Variants in IRF8 observed in about 807,000 individuals in gnomAD.
IRF8 encodes the protein interferon regulatory factor 8, also known as interferon consensus sequence binding protein 1.
Under a neutral mutation model 48.7 loss-of-function variants are expected in IRF8, and 14 were observed. The ratio of observed to expected loss-of-function variants is 0.29; its 90% CI spans 0.19 to 0.45. The LOEUF (loss-of-function observed/expected upper bound fraction) is 0.45. Among genes scored for constraint, IRF8 ranks in the 20% least tolerant of loss-of-function variants. IRF8 has a pLI of 1.00. For synonymous variants in IRF8, 278 were observed against 227.3 expected (o/e 1.22, Z -2.01); for missense variants, 493 against 580.7 (o/e 0.85, Z 1.55).
At chr16:85,908,529 T>C (rs1186929192) in intron 2 of IRF8, among the ~76,000 whole-genome samples, 6 of 152,250 alleles carry the variant, frequency 3.9e-5, no homozygotes, top group African/African-American at 1.4e-4. Context: ...GATGACCATT[T>C]TGACTTTTTG....
Position 85,921,441 on chromosome 16 carries a change from T to C in IRF8, c.*159T>C. On this transcript the variant is annotated 3_prime_UTR_variant, in exon 9 of 9. Coordinates refer to ENST00000268638, the MANE Select transcript of IRF8 (RefSeq NM_002163.4). ...GGGCATTCTCGGAGGAGTAGACGTT[T>C]AATACGAAGTGGCGGCATAGCCCTG... 1 of 786,278 alleles carries C rather than the reference T, an allele frequency of 1.3e-6. No homozygotes were observed. The highest frequency in any genetic ancestry group is 2.1e-6 in the Non-Finnish European group (1 of 468,954). The allele number at this position is 786,278 out of a possible 1,614,324, so 48.7% of individuals were successfully genotyped here.
chr16:85,906,608 A>G (rs2152100009), intron 2 of IRF8, among the ~76,000 whole-genome samples: 2 of 152,316 alleles, frequency 1.3e-5, no homozygotes, highest in Middle Eastern at 3.4e-3. Context: ...CTTGGCGTGA[A>G]CGAGTGAGTA....
chr16:85,899,774 G>A (rs1904767876), intron 1 of IRF8, among the ~76,000 whole-genome samples: 1 of 152,326 alleles, frequency 6.6e-6, no homozygotes, highest in Middle Eastern at 3.4e-3. Context: ...TGGCAAGAGA[G>A]TCTGTATATG....
At chr16:85,899,459 C>A (rs1337810869) in intron 1 of IRF8, among the ~76,000 whole-genome samples, 1 of 152,184 alleles carries the variant, frequency 6.6e-6, no homozygotes, top group African/African-American at 2.4e-5. Flanking sequence ...TAGATAGATG[C>A]CTTTTTAAAA....
At chr16:85,904,438 C>T (rs1904926433) in intron 2 of IRF8, among the ~76,000 whole-genome samples, 1 of 152,180 alleles carries the variant, frequency 6.6e-6, no homozygotes, top group Non-Finnish European at 1.5e-5. Context: ...GACAAAAGAT[C>T]ACACCTTAAC....
At chr16:85,913,844 T>G in intron 5 of IRF8, 1 of 170,404 alleles carries the variant, frequency 5.9e-6, no homozygotes, top group East Asian at 1.6e-4. Context: ...ATCCTTTGAT[T>G]CTCTTTTGAT....
chr16:85,919,508 C>A (rs893829951), intron 7 of IRF8, among the ~76,000 whole-genome samples: 2 of 152,182 alleles, frequency 1.3e-5, no homozygotes, highest in African/African-American at 4.8e-5. Context: ...AGCTCAGGGG[C>A]ATAAGCCCTG....
chr16:85,913,943 C>G (rs1379564274), intron 5 of IRF8: 1 of 178,594 alleles, frequency 5.6e-6, no homozygotes, highest in Non-Finnish European at 1.2e-5. Flanking sequence ...TGCTTCCTCC[C>G]TCGGCGTCTT....
chr16:85,906,642 G>A (rs1051066369), intron 2 of IRF8, among the ~76,000 whole-genome samples: 1 of 152,222 alleles, frequency 6.6e-6, no homozygotes, highest in Non-Finnish European at 1.5e-5. Flanking sequence ...CAGGCACCGC[G>A]GTTGCGTATG....
intron 4 of IRF8, 21 bp from the exon 5 acceptor site, chr16:85,913,110 C>T (rs750424360): frequency 1.9e-6 from 3 of 1,588,478 alleles, no homozygotes; most frequent in African/African-American, 1.3e-5. Context: ...CTGCCCTCCT[C>T]TCCCTCCCCT....
intron 8 of IRF8, among the ~76,000 whole-genome samples, chr16:85,920,772 A>G (rs1905530498): frequency 6.6e-6 from 1 of 152,118 alleles, no homozygotes; most frequent in African/African-American, 2.4e-5. Flanking sequence ...TGGTTTTTAA[A>G]TCTAAGCCTC....
intron 1 of IRF8, chr16:85,901,244 C>T (rs749850243): frequency 2.0e-5 from 3 of 152,162 alleles, no homozygotes; most frequent in Non-Finnish European, 4.4e-5. Context: ...TCTCAACTTA[C>T]AGGTGAGGAA....
At chr16:85,909,418 G>A (rs1344749805) in intron 3 of IRF8, 1 of 528,766 alleles carries the variant, frequency 1.9e-6, no homozygotes, top group African/African-American at 1.9e-5. Flanking sequence ...GACATTTGTA[G>A]GGCCTCCCTG....
Position 85,903,055 on chromosome 16 carries a change from C to T in IRF8, c.40C>T (p.Leu14=). The T allele has an allele frequency of 6.2e-7, 1 of 1,614,176 alleles. No homozygotes were observed. Among genetic ancestry groups the T allele is most frequent in the Non-Finnish European group, 8.5e-7 (1 of 1,180,016 alleles). The change falls in exon 2 of 9, where the codon CTG becomes TTG. Residue 14 remains leucine, a synonymous_variant. Transcript: ENST00000268638. The part of the protein sequence containing the change: ...RNGGRRLRQW[L]IEQIDSSMYP... ...TGGTGGTCGGCGGCTTCGACAGTGG[C>T]TGATCGAGCAGATTGACAGTAGCAT...
At chr16:85,904,991 T>C (rs917630740) in intron 2 of IRF8, among the ~76,000 whole-genome samples, 1 of 152,056 alleles carries the variant, frequency 6.6e-6, no homozygotes, top group Non-Finnish European at 1.5e-5. Flanking sequence ...GGCAATTCTT[T>C]GTTGTAAGGG....
At chr16:85,900,820 T>G (rs1282891179) in intron 1 of IRF8, 2 of 152,264 alleles carry the variant, frequency 1.3e-5, no homozygotes, top group African/African-American at 4.8e-5. Context: ...AAGATAGTTG[T>G]CCTGAACAGT....
At chr16:85,910,833 A>T (rs391525) in intron 3 of IRF8, among the ~76,000 whole-genome samples, 1 of 152,070 alleles carries the variant, frequency 6.6e-6, no homozygotes, top group Non-Finnish European at 1.5e-5. Context: ...AAATTCAGCC[A>T]GGAGGAAACA....
intron 6 of IRF8, among the ~76,000 whole-genome samples, chr16:85,915,805 A>C (rs1485949746): frequency 2.2e-4 from 33 of 152,092 alleles, no homozygotes; most frequent in Admixed American, 2.2e-3. Flanking sequence ...TCTCGGTGAG[A>C]TGCAGAGGCA....
intron 2 of IRF8, among the ~76,000 whole-genome samples, chr16:85,905,786 A>G (rs1904982190): frequency 6.6e-6 from 1 of 152,250 alleles, no homozygotes; most frequent in Non-Finnish European, 1.5e-5. Flanking sequence ...AACTGTTCAA[A>G]GAAAACCTTT....
Sources: gnomAD v4.1 joint callset for allele counts (sites outside exome capture counted in the v4.1 genomes callset) on GRCh38, gnomAD v4.1.1 for gene constraint, MANE v1.5 for transcripts, NCBI Gene and HGNC (gene_info 2026-07-23, HGNC 2026-07-21) for gene names.